Variants in LRBA observed in about 807,000 individuals in gnomAD.
LRBA encodes LPS responsive beige-like anchor protein, also known as lipopolysaccharide-responsive and beige-like anchor protein.
LRBA carries 176 observed loss-of-function variants against 330.0 expected under a neutral mutation model. The ratio of observed to expected loss-of-function variants is 0.53; its 90% CI spans 0.47 to 0.60. The LOEUF is 0.60. LRBA is among the 20% of genes least tolerant of loss of function. LRBA has a pLI of 0.00. For synonymous variants in LRBA, 1,230 were observed against 1,193.0 expected, an observed-to-expected ratio of 1.03 and a Z score of -0.64; for missense variants, 3,259 against 3,444.8, an observed-to-expected ratio of 0.95 and a Z score of 1.35.
At chr4:150,998,922 C>G (rs1242173232) in intron 2 of LRBA, among the ~76,000 whole-genome samples, 1 of 152,196 alleles carries the variant, frequency 6.6e-6, no homozygotes, top group Non-Finnish European at 1.5e-5. Context: ...ATAAGTTGGT[C>G]AATTGTAGCC....
intron 35 of LRBA, among the ~76,000 whole-genome samples, chr4:150,745,074 T>C (rs1185066712): frequency 6.6e-6 from 1 of 151,990 alleles, no homozygotes; most frequent in Non-Finnish European, 1.5e-5. Flanking sequence ...AACAAGAAAA[T>C]GGGAAACTCA....
At chr4:150,585,551 T>C (rs1772010702) in intron 40 of LRBA, among the ~76,000 whole-genome samples, 1 of 152,218 alleles carries the variant, frequency 6.6e-6, no homozygotes, top group South Asian at 2.1e-4. Flanking sequence ...AGGGAATAAC[T>C]GATTAGAAAA....
chr4:150,323,293 T>C (rs1471534656), intron 49 of LRBA, among the ~76,000 whole-genome samples: 2 of 152,202 alleles, frequency 1.3e-5, no homozygotes, highest in East Asian at 1.9e-4. Context: ...TTTTCAATTA[T>C]GTAGTTTTTA....
intron 35 of LRBA, among the ~76,000 whole-genome samples, chr4:150,761,452 A>G (rs1023636132): frequency 2.6e-5 from 4 of 152,036 alleles, no homozygotes; most frequent in Admixed American, 6.6e-5. Context: ...AATTCTAATT[A>G]TTGGCTCTAC....
rs58179947 is a variant in LRBA, at chr4:150,529,670, C to T, written c.6331-38635G>A. ...CCAGGTAGCGGAGGTTGCAGTGAGCCGAGATCATGCCACTGCACTCCAGCC... is the reference window on the plus strand; with the variant it reads ...CCAGGTAGCGGAGGTTGCAGTGAGCTGAGATCATGCCACTGCACTCCAGCC... On this transcript the variant is annotated intron_variant, in intron 40 of 56. Transcript: ENST00000651943. 1.3e-3 allele frequency among the ~76,000 whole-genome samples: 194 copies of T among 150,142 alleles called. 4 individuals are homozygous for T. The highest frequency in any genetic ancestry group is 4.3e-3 in the African/African-American group (176 of 40,694).
At chr4:150,966,935 C>A (rs550993266) in intron 2 of LRBA, among the ~76,000 whole-genome samples, 5 of 152,286 alleles carry the variant, frequency 3.3e-5, no homozygotes, top group African/African-American at 1.2e-4. Context: ...CAGGCTGAGG[C>A]CCAGAGACAA....
intron 47 of LRBA, among the ~76,000 whole-genome samples, chr4:150,374,056 C>G (rs190822620): frequency 1.3e-5 from 2 of 152,176 alleles, no homozygotes; most frequent in Admixed American, 6.6e-5. Flanking sequence ...TCAAAAGCCA[C>G]GTTCACCCAC....
chr4:150,597,177 G>T, intron 38 of LRBA: 1 of 787,110 alleles, frequency 1.3e-6, no homozygotes, highest in Non-Finnish European at 2.1e-6. Context: ...TAATCAGAGT[G>T]AAATCTACTT....
intron 39 of LRBA, 81 bp downstream of exon 39, chr4:150,590,632 T>A (rs1772698697): frequency 7.9e-7 from 1 of 1,261,340 alleles, no homozygotes; most frequent in Non-Finnish European, 1.1e-6. Flanking sequence ...GTAGTCCTAG[T>A]GGTCACAGCT....
rs759669268 is a variant in LRBA, at chr4:151,014,606, G to A, written c.37C>T (p.Pro13Ser). Residue 13 changes from proline to serine, a missense_variant, in exon 2 of 57, where the codon CCA becomes TCA. Transcript: ENST00000651943. ...SEDNRVPSPP[P>S]TGDDGGGGGR... is the part of the protein sequence containing the mutation. ...CCACCTCCCCCGTCATCACCTGTTGGTGGCGGGGAAGGGACACGATTGTCT... is the reference window on the plus strand; with the variant it reads ...CCACCTCCCCCGTCATCACCTGTTGATGGCGGGGAAGGGACACGATTGTCT... 1.2e-6 allele frequency: 2 copies of A among 1,609,452 alleles called. No individual in the cohort carries two copies. Among genetic ancestry groups the A allele is most frequent in the South Asian group, 1.1e-5 (1 of 90,348 alleles).
intron 47 of LRBA, among the ~76,000 whole-genome samples, chr4:150,396,000 G>C (rs1323663377): frequency 6.6e-6 from 1 of 152,098 alleles, no homozygotes; most frequent in Admixed American, 6.5e-5. Context: ...GTGTCAACTT[G>C]AGTGGGCTGC....
At chr4:150,448,969 C>T (rs1319594510) in intron 44 of LRBA, among the ~76,000 whole-genome samples, 2 of 151,994 alleles carry the variant, frequency 1.3e-5, no homozygotes, top group African/African-American at 4.8e-5. Flanking sequence ...TCCCATTGCT[C>T]ATGAGAGAGA....
chr4:150,411,159 G>C lies in LRBA; in HGVS notation c.7194+4279C>G, dbSNP rs1053512786. The stretch of plus-strand genomic sequence containing the variant: ...AGAACAAAATATAATTTACTTCTCT[G>C]AAAAACTAATGAAATTTAGGTGAGT... On this transcript the variant is annotated intron_variant, in intron 47 of 56. Transcript: ENST00000651943. Among the ~76,000 whole-genome samples the C allele has an allele frequency of 8.5e-5, 13 of 152,072 alleles. 1 individual carries two copies. Among genetic ancestry groups the C allele is most frequent in the African/African-American group, 2.4e-4 (10 of 41,428 alleles).
At chr4:150,726,445 A>G (rs1359557779) in intron 36 of LRBA, among the ~76,000 whole-genome samples, 1 of 152,192 alleles carries the variant, frequency 6.6e-6, no homozygotes, top group Non-Finnish European at 1.5e-5. Context: ...AAGAGGATAT[A>G]ACGATTGTAA....
intron 40 of LRBA, among the ~76,000 whole-genome samples, chr4:150,514,319 G>A (rs1306602755): frequency 1.3e-5 from 2 of 152,084 alleles, no homozygotes; most frequent in East Asian, 1.9e-4. Flanking sequence ...TGATCCACCC[G>A]CCTTGGCCTC....
chr4:150,715,086 C>G (rs1786609422), intron 36 of LRBA, among the ~76,000 whole-genome samples: 1 of 152,208 alleles, frequency 6.6e-6, no homozygotes, highest in African/African-American at 2.4e-5. Flanking sequence ...CAACTGTTTA[C>G]TAATCAACAC....
chr4:150,475,139 T>G (rs1275843021), intron 42 of LRBA, among the ~76,000 whole-genome samples: 1 of 152,214 alleles, frequency 6.6e-6, no homozygotes, highest in African/African-American at 2.4e-5. Flanking sequence ...ATGAACATTT[T>G]ATAAATCCTT....
At chr4:150,510,354 C>A (rs115862897) in intron 40 of LRBA, among the ~76,000 whole-genome samples, 1 of 152,034 alleles carries the variant, frequency 6.6e-6, no homozygotes, top group African/African-American at 2.4e-5. Context: ...GGAAAGAATA[C>A]GTGCCAACTC....
At chr4:150,990,213 T>C (rs945163773) in intron 2 of LRBA, among the ~76,000 whole-genome samples, 3 of 152,194 alleles carry the variant, frequency 2.0e-5, no homozygotes, top group Non-Finnish European at 2.9e-5. Flanking sequence ...TTTACATATA[T>C]ATGTAAATTC....
Sources: gnomAD v4.1 joint callset for allele counts (sites outside exome capture counted in the v4.1 genomes callset) on GRCh38, gnomAD v4.1.1 for gene constraint, MANE v1.5 for transcripts, NCBI Gene and HGNC (gene_info 2026-07-23, HGNC 2026-07-21) for gene names.